Variants in KRTAP5-1 observed in about 807,000 individuals in gnomAD.
KRTAP5-1 encodes keratin associated protein 5-1, also known as keratin-associated protein 5-1.
A neutral mutation model predicts 1.1 loss-of-function variants in KRTAP5-1; 1 was observed. That is an observed-to-expected ratio of 0.90 (90% CI 0.32 to 4.26). KRTAP5-1 has a LOEUF of 4.26. Ranked by LOEUF, KRTAP5-1 falls within the 30% of genes most tolerant of loss-of-function variation. The pLI is 0.17. For missense variants in KRTAP5-1, 302 were observed against 349.7 expected, an observed-to-expected ratio of 0.86 and a Z score of 1.09; for synonymous variants, 105 against 141.6, an observed-to-expected ratio of 0.74 and a Z score of 1.84.
At position 1,584,774 on chromosome 11, in the gene KRTAP5-1, G is replaced by T; in HGVS notation, c.476C>A (p.Ser159Tyr). ...ACAGGCCCCCTTGGAGCACCCACAGGAGCCACAGCCCCCTTTGCCACAGCT... is the reference window on the plus strand; with the variant it reads ...ACAGGCCCCCTTGGAGCACCCACAGTAGCCACAGCCCCCTTTGCCACAGCT... ...CSSCGKGGCG[S>Y]CGCSKGACGS... Residue 159 changes from serine to tyrosine, a missense_variant, in exon 1 of 1, where the codon TCC becomes TAC. Physicochemically the swap from Ser to Tyr is moderately radical, Grantham distance 144. Transcript: ENST00000382171. The T allele has an allele frequency of 6.3e-7, 1 of 1,576,038 alleles. No individual in the cohort carries two copies. The highest frequency in any genetic ancestry group is 1.5e-5 in the African/African-American group (1 of 66,406).
At position 1,584,463 on chromosome 11, in the gene KRTAP5-1, A is replaced by C; in HGVS notation, c.787T>G (p.Cys263Gly). The C allele has an allele frequency of 6.2e-7, 1 of 1,613,956 alleles. No individual in the cohort carries two copies. Among genetic ancestry groups the C allele is most frequent in the Non-Finnish European group, 8.5e-7 (1 of 1,179,942 alleles). ...GGGACACAGCAACTGGACTGGGAGC[A>C]GCAGGGCTTGCAGCAGCTGGATTGG... is the stretch of plus-strand genomic sequence containing the variant. The part of the protein sequence containing the change: ...CCQSSCCKPC[C>G]SQSSCCVPVC... The change falls in exon 1 of 1, where the codon TGC becomes GGC. Residue 263 changes from cysteine (C) to glycine (G), a missense_variant. Around this residue, in one of 2 missense-constraint regions of KRTAP5-1, gnomAD observed 137 missense variants for 113.9 expected, o/e 1.20. Coordinates refer to ENST00000382171, the MANE Select transcript of KRTAP5-1 (RefSeq NM_001005922.1).
At position 1,584,600 on chromosome 11, in the gene KRTAP5-1, C is replaced by G. The variant is rs752401544; in HGVS notation, c.650G>C (p.Cys217Ser). 1 of 1,614,020 alleles carries G rather than the reference C, an allele frequency of 6.2e-7. No individual in the cohort carries two copies. The highest frequency in any genetic ancestry group is 1.3e-5 in the African/African-American group (1 of 74,988). The change falls in exon 1 of 1, where the codon TGT becomes TCT. Residue 217 changes from cysteine (C) to serine (S), a missense_variant. Cys to Ser is a moderately radical substitution (Grantham distance 112, BLOSUM62 -1). Around this residue, in one of 2 missense-constraint regions of KRTAP5-1, gnomAD observed 137 missense variants for 113.9 expected, o/e 1.20. Coordinates refer to ENST00000382171, the MANE Select transcript of KRTAP5-1 (RefSeq NM_001005922.1). ...CCCCGCGCAAGAGCCACAACTGGAA[C>G]AGGAACAGCAACACACGGGCACACC... ...GCGVPVCCCS[C>S]SSCGSCAGSK...
chr11:1,584,516 C>T lies in KRTAP5-1; in HGVS notation c.734G>A (p.Cys245Tyr), dbSNP rs1365635297. The T allele has an allele frequency of 1.2e-6, 2 of 1,613,926 alleles. No individual in the cohort carries two copies. Among genetic ancestry groups the T allele is most frequent in the Non-Finnish European group, 1.7e-6 (2 of 1,179,950 alleles). Reference protein sequence around the residue: ...SQCSCCKPCCCSSGCGSSCCQ... With the variant: ...SQCSCCKPCCYSSGCGSSCCQ... ...ACAGGATGACCCACAGCCTGAGGAA[C>T]AGCAGCAGGGCTTACAGCAACTGCA... Residue 245 changes from cysteine (C) to tyrosine (Y), a missense_variant, in exon 1 of 1, where the codon TGT (cysteine) becomes TAT (tyrosine). Physicochemically the swap from Cys to Tyr is radical, Grantham distance 194. Around this residue, in one of 2 missense-constraint regions of KRTAP5-1, gnomAD observed 137 missense variants for 113.9 expected, o/e 1.20. Coordinates refer to ENST00000382171, the MANE Select transcript of KRTAP5-1 (RefSeq NM_001005922.1).
At position 1,584,419 on chromosome 11, in the gene KRTAP5-1, C is replaced by T; in HGVS notation, c.831G>A (p.Lys277=). The stretch of plus-strand genomic sequence containing the variant: ...AGTCCTGCAAAGCCAGAAATCAGAT[C>T]TTGCACTGGCAGCACACGGGGACAC... ...SCCVPVCCQC[K]I Residue 277 remains lysine (K), a synonymous_variant, in exon 1 of 1, where the codon AAG becomes AAA. Coordinates refer to ENST00000382171, the MANE Select transcript of KRTAP5-1 (RefSeq NM_001005922.1). 2 of 1,613,960 alleles carry T rather than the reference C, an allele frequency of 1.2e-6. No homozygotes were observed. Among genetic ancestry groups the T allele is most frequent in the Non-Finnish European group, 1.7e-6 (2 of 1,179,926 alleles).
At position 1,584,892 on chromosome 11, in the gene KRTAP5-1, CA is replaced by C; in HGVS notation, c.357del (p.Cys119TrpfsTer?). On this transcript the variant is annotated frameshift_variant, in exon 1 of 1. Coordinates refer to ENST00000382171, the MANE Select transcript of KRTAP5-1 (RefSeq NM_001005922.1). LOFTEE classifies it low-confidence loss of function (END_TRUNC). ...CGSCGGSKGG[C>X]GSGCGGCGSS... Reference sequence around the variant, plus strand: ...GAGCCACATCCCCCACAGCCGGAACCACAGCCACCCTTGGATCCCCCACAAG... The same window carrying C: ...GAGCCACATCCCCCACAGCCGGAACCCAGCCACCCTTGGATCCCCCACAAG... 2.6e-6 allele frequency: 1 copy of C among 382,894 alleles called. No homozygotes were observed. The highest frequency in any genetic ancestry group is 6.5e-5 in the East Asian group (1 of 15,274). 23.7% of individuals were successfully genotyped at this position (382,894 alleles called of 1,614,324 possible). A position where few individuals can be genotyped will look rare whatever the true frequency, so the allele number is the denominator to read the frequency against.
At position 1,584,450 on chromosome 11, in the gene KRTAP5-1, C is replaced by G; in HGVS notation, c.800G>C (p.Ser267Thr). The G allele has an allele frequency of 1.2e-6, 2 of 1,613,988 alleles. No homozygotes were observed. Among genetic ancestry groups the G allele is most frequent in the Non-Finnish European group, 1.7e-6 (2 of 1,179,954 alleles). ...SCCKPCCSQSSCCVPVCCQCK... is the reference protein window; with the variant it reads ...SCCKPCCSQSTCCVPVCCQCK... ...CTGGCAGCACACGGGGACACAGCAA[C>G]TGGACTGGGAGCAGCAGGGCTTGCA... Residue 267 changes from serine (S) to threonine (T), a missense_variant, in exon 1 of 1, where the codon AGT (serine) becomes ACT (threonine). Physicochemically the swap from Ser to Thr is moderately conservative, Grantham distance 58. Around this residue, in one of 2 missense-constraint regions of KRTAP5-1, gnomAD observed 137 missense variants for 113.9 expected, o/e 1.20. Transcript: ENST00000382171.
chr11:1,584,510 G>A lies in KRTAP5-1; in HGVS notation c.740C>T (p.Ser247Leu). ...CSCCKPCCCS[S>L]GCGSSCCQSS... ...TTGGCAACAGGATGACCCACAGCCT[G>A]AGGAACAGCAGCAGGGCTTACAGCA... The change falls in exon 1 of 1, where the codon TCA becomes TTA. Residue 247 changes from serine (S) to leucine (L), a missense_variant. Coordinates refer to ENST00000382171, the MANE Select transcript of KRTAP5-1 (RefSeq NM_001005922.1). 1 of 1,613,898 alleles carries A rather than the reference G, an allele frequency of 6.2e-7. No individual in the cohort carries two copies. Among genetic ancestry groups the A allele is most frequent in the Non-Finnish European group, 8.5e-7 (1 of 1,179,936 alleles).
Position 1,584,649 on chromosome 11 carries a change from A to T in KRTAP5-1, c.601T>A (p.Cys201Ser). Residue 201 changes from cysteine (C) to serine (S), a missense_variant, in exon 1 of 1, where the codon TGT (cysteine) becomes AGT (serine). By Grantham distance (112) the Cys-to-Ser change is moderately radical. Coordinates refer to ENST00000382171, the MANE Select transcript of KRTAP5-1 (RefSeq NM_001005922.1). ...GGSKGGCGSG[C>S]GGCGSGCGVP... ...CCGCAGCCGGAGCCACAGCCCCCAC[A>T]GCCGGAGCCACAACCCCCCTTGGAT... The T allele has an allele frequency of 6.5e-7, 1 of 1,539,536 alleles. No individual in the cohort carries two copies. The highest frequency in any genetic ancestry group is 8.7e-7 in the Non-Finnish European group (1 of 1,142,994).
Position 1,584,386 on chromosome 11 carries a change from A to T in KRTAP5-1, c.*27T>A. ...AAAGGCTGGGCAGGAATGCCTGGCC[A>T]TGGTAAGAGTCCTGCAAAGCCAGAA... On this transcript the variant is annotated 3_prime_UTR_variant, in exon 1 of 1. Coordinates refer to ENST00000382171, the MANE Select transcript of KRTAP5-1 (RefSeq NM_001005922.1). 6.2e-7 allele frequency: 1 copy of T among 1,612,430 alleles called. No individual in the cohort carries two copies. Among genetic ancestry groups the T allele is most frequent in the South Asian group, 1.1e-5 (1 of 91,000 alleles).
Position 1,585,131 on chromosome 11 carries a change from G to A in KRTAP5-1, c.119C>T (p.Ser40Phe). The change falls in exon 1 of 1, where the codon TCC (serine) becomes TTC (phenylalanine). Residue 40 changes from serine (S) to phenylalanine (F), a missense_variant. Transcript: ENST00000382171. ...GCGSGCGGSGSSCCVPVCCCK... is the reference protein window; with the variant it reads ...GCGSGCGGSGFSCCVPVCCCK... ...GCAGCAGACGGGCACACAGCAGCTG[G>A]AGCCAGAACCTCCACAGCCAGAGCC... is the stretch of plus-strand genomic sequence containing the variant. 6.3e-7 allele frequency: 1 copy of A among 1,587,694 alleles called. No homozygotes were observed. The highest frequency in any genetic ancestry group is 8.6e-7 in the Non-Finnish European group (1 of 1,168,244).
chr11:1,584,608 G>A lies in KRTAP5-1; in HGVS notation c.642C>T (p.Cys214=), dbSNP rs1250657310. 2.5e-6 allele frequency: 4 copies of A among 1,613,686 alleles called. No homozygotes were observed. Among genetic ancestry groups the A allele is most frequent in the Middle Eastern group, 1.7e-4 (1 of 6,060 alleles). Residue 214 remains cysteine, a synonymous_variant, in exon 1 of 1, where the codon TGC becomes TGT. Coordinates refer to ENST00000382171, the MANE Select transcript of KRTAP5-1 (RefSeq NM_001005922.1). ...CGSGCGVPVC[C]CSCSSCGSCA... ...AAGAGCCACAACTGGAACAGGAACAGCAACACACGGGCACACCGCAGCCGG... is the reference window on the plus strand; with the variant it reads ...AAGAGCCACAACTGGAACAGGAACAACAACACACGGGCACACCGCAGCCGG...
rs994583298 is a variant in KRTAP5-1 at position 1,584,358 on chromosome 11, G to C, written c.*55C>G. The C allele has an allele frequency of 1.0e-5, 16 of 1,587,946 alleles. No homozygotes were observed. In the Admixed American group the frequency reaches 2.3e-4, roughly 23 times the overall value. On this transcript the variant is annotated 3_prime_UTR_variant, in exon 1 of 1. Transcript: ENST00000382171. ...GGCTCACTGGGTGCCAGGAAAAGGA[G>C]GTAAAGGCTGGGCAGGAATGCCTGG...
chr11:1,584,390 TAA>T lies in KRTAP5-1; in HGVS notation c.*21_*22del. ...GCTGGGCAGGAATGCCTGGCCATGG[TAA>T]GAGTCCTGCAAAGCCAGAAATCAGA... On this transcript the variant is annotated 3_prime_UTR_variant, in exon 1 of 1. Coordinates refer to ENST00000382171, the MANE Select transcript of KRTAP5-1 (RefSeq NM_001005922.1). 1 of 1,612,860 alleles carries T rather than the reference TAA, an allele frequency of 6.2e-7. No homozygotes were observed. Among genetic ancestry groups the T allele is most frequent in the African/African-American group, 1.3e-5 (1 of 74,910 alleles).
chr11:1,584,553 A>G lies in KRTAP5-1; in HGVS notation c.697T>C (p.Ser233Pro). 6.2e-7 allele frequency: 1 copy of G among 1,613,986 alleles called. No individual in the cohort carries two copies. Among genetic ancestry groups the G allele is most frequent in the Non-Finnish European group, 8.5e-7 (1 of 1,179,956 alleles). Residue 233 changes from serine (S) to proline (P), a missense_variant, in exon 1 of 1, where the codon TCC becomes CCC. Physicochemically the swap from Ser to Pro is moderately conservative, Grantham distance 74 (BLOSUM62 -1). Coordinates refer to ENST00000382171, the MANE Select transcript of KRTAP5-1 (RefSeq NM_001005922.1). Reference protein sequence around the residue: ...CAGSKGGCGSSCSQCSCCKPC... With the variant: ...CAGSKGGCGSPCSQCSCCKPC... ...TTACAGCAACTGCACTGGGAGCAGG[A>G]TGACCCGCAGCCTCCCTTAGACCCC...
rs144327150 is a variant in KRTAP5-1, at chr11:1,585,183, C to T, written c.67G>A (p.Gly23Ser). The change falls in exon 1 of 1, where the codon GGC (glycine) becomes AGC (serine). Residue 23 changes from glycine to serine, a missense_variant. Around this residue, in one of 2 missense-constraint regions of KRTAP5-1, gnomAD observed 165 missense variants for 235.8 expected, o/e 0.70. Coordinates refer to ENST00000382171, the MANE Select transcript of KRTAP5-1 (RefSeq NM_001005922.1). ...CAGCCCCCACAGCCGGAGCCACAGC[C>T]CCCACAGCCGGAGCCACAGCCCCCA... is the stretch of plus-strand genomic sequence containing the variant. Reference protein sequence around the residue: ...SCGGCGSGCGGCGSGCGGCGS... With the variant: ...SCGGCGSGCGSCGSGCGGCGS... The T allele has an allele frequency of 2.1e-4, 331 of 1,611,448 alleles. No homozygotes were observed. The highest frequency in any genetic ancestry group is 2.6e-4 in the Non-Finnish European group (305 of 1,179,482).
chr11:1,584,380 CTGG>C lies in KRTAP5-1; in HGVS notation c.*30_*32del. On this transcript the variant is annotated 3_prime_UTR_variant, in exon 1 of 1. Coordinates refer to ENST00000382171, the MANE Select transcript of KRTAP5-1 (RefSeq NM_001005922.1). ...GGAGGTAAAGGCTGGGCAGGAATGCCTGGCCATGGTAAGAGTCCTGCAAAGCCA... is the reference window on the plus strand; with the variant it reads ...GGAGGTAAAGGCTGGGCAGGAATGCCCCATGGTAAGAGTCCTGCAAAGCCA... 3 of 1,611,360 alleles carry C rather than the reference CTGG, an allele frequency of 1.9e-6. No homozygotes were observed. Among genetic ancestry groups the C allele is most frequent in the Non-Finnish European group, 2.5e-6 (3 of 1,178,102 alleles).
At position 1,584,580 on chromosome 11, in the gene KRTAP5-1, C is replaced by A. The variant is rs760830486; in HGVS notation, c.670G>T (p.Ala224Ser). Reference protein sequence around the residue: ...CCSCSSCGSCAGSKGGCGSSC... With the variant: ...CCSCSSCGSCSGSKGGCGSSC... ...GACCCGCAGCCTCCCTTAGACCCCG[C>A]GCAAGAGCCACAACTGGAACAGGAA... Residue 224 changes from alanine to serine, a missense_variant, in exon 1 of 1, where the codon GCG (alanine) becomes TCG (serine). This residue lies in a region of KRTAP5-1 where 137 missense variants were observed against 113.9 expected (regional missense o/e 1.20). Coordinates refer to ENST00000382171, the MANE Select transcript of KRTAP5-1 (RefSeq NM_001005922.1). 34 of 1,613,790 alleles carry A rather than the reference C, an allele frequency of 2.1e-5. No individual in the cohort carries two copies. The East Asian group carries it at 6.9e-4, about 33-fold the overall frequency.
Position 1,584,950 on chromosome 11 carries a change from G to A in KRTAP5-1, c.300C>T (p.Gly100=), listed in dbSNP as rs758612677. Reference sequence around the variant, plus strand: ...AGCCCCCCTTGGAGCCCCCACAGGAGCCACAACCCCCCTTGGATCCCCCAC... The same window carrying A: ...AGCCCCCCTTGGAGCCCCCACAGGAACCACAACCCCCCTTGGATCCCCCAC... ...GSCGGSKGGC[G]SCGGSKGGCG... The change falls in exon 1 of 1, where the codon GGC becomes GGT. Residue 100 remains glycine (G), a synonymous_variant. Transcript: ENST00000382171. The A allele has an allele frequency of 2.2e-6, 3 of 1,372,710 alleles. No individual in the cohort carries two copies. Among genetic ancestry groups the A allele is most frequent in the Non-Finnish European group, 2.9e-6 (3 of 1,045,474 alleles). The allele number at this position is 1,372,710 out of a possible 1,614,324, so 85.0% of individuals were successfully genotyped here.
rs370574417 is a variant in KRTAP5-1, at chr11:1,585,256, G to T, written c.-7C>A. Reference sequence around the variant, plus strand: ...AGCAGCCGCAACAGCCCATGGTTCTGGTGGATTGAGGGTGGAGCAGGTAGA... The same window carrying T: ...AGCAGCCGCAACAGCCCATGGTTCTTGTGGATTGAGGGTGGAGCAGGTAGA... On this transcript the variant is annotated 5_prime_UTR_variant, in exon 1 of 1. Transcript: ENST00000382171. 2.5e-6 allele frequency: 4 copies of T among 1,612,068 alleles called. No homozygotes were observed. Among genetic ancestry groups the T allele is most frequent in the Non-Finnish European group, 2.5e-6 (3 of 1,179,792 alleles).
Sources: allele counts gnomAD v4.1 joint callset, GRCh38; gene constraint gnomAD v4.1.1; regional missense constraint gnomAD v4.1.1; transcripts MANE v1.5; gene names NCBI Gene and HGNC (gene_info 2026-07-23, HGNC 2026-07-21).